The following AUTS2 variants were observed in gnomAD, a reference collection of about 807,000 sequenced individuals.
AUTS2 encodes the protein autism susceptibility gene 2 protein.
In AUTS2, 17 loss-of-function variants were observed where a neutral mutation model predicts 112.4. The ratio of observed to expected loss-of-function variants is 0.15; its 90% confidence interval spans 0.10 to 0.23. The LOEUF (loss-of-function observed/expected upper bound fraction) is 0.23, where lower values mean the gene tolerates loss of function less well. AUTS2 is among the 10% of genes least tolerant of loss of function. The pLI is 1.00. For synonymous variants in AUTS2, 751 were observed against 702.7 expected, an observed-to-expected ratio of 1.07 and a Z score of -1.09; for missense variants, 1,510 against 1,701.6, an observed-to-expected ratio of 0.89 and a Z score of 1.98.
intron 1 of AUTS2, among the ~76,000 whole-genome samples, chr7:69,711,521 G>T (rs189620675): frequency 6.6e-6 from 1 of 152,200 alleles, no homozygotes; most frequent in East Asian, 1.9e-4. Flanking sequence ...TGGTTCTCTG[G>T]ACATTTCTAT....
intron 4 of AUTS2, among the ~76,000 whole-genome samples, chr7:70,368,172 T>C (rs1465505099): frequency 6.6e-6 from 1 of 152,238 alleles, no homozygotes; most frequent in Non-Finnish European, 1.5e-5. Flanking sequence ...AAGTTCCTTA[T>C]GTATAAAATG....
chr7:70,481,725 G>A (rs1797794977), intron 5 of AUTS2, among the ~76,000 whole-genome samples: 1 of 152,180 alleles, frequency 6.6e-6, no homozygotes, highest in East Asian at 1.9e-4. Flanking sequence ...AATCTAATAG[G>A]ATTAAGTGTT....
chr7:70,286,885 A>G (rs899442648), intron 4 of AUTS2, among the ~76,000 whole-genome samples: 1 of 152,182 alleles, frequency 6.6e-6, no homozygotes, highest in African/African-American at 2.4e-5. Flanking sequence ...CACATGAGCT[A>G]CCCATTTTCT....
intron 1 of AUTS2, among the ~76,000 whole-genome samples, chr7:69,833,816 A>G (rs960546682): frequency 2.0e-5 from 3 of 152,198 alleles, no homozygotes; most frequent in Non-Finnish European, 2.9e-5. Flanking sequence ...TCATATTCCG[A>G]TAAGTGTATT....
chr7:70,077,109 T>C (rs1803071579), intron 2 of AUTS2, among the ~76,000 whole-genome samples: 1 of 152,186 alleles, frequency 6.6e-6, no homozygotes, highest in Non-Finnish European at 1.5e-5. Context: ...ATTCAATATG[T>C]AAATAGGAAC....
intron 5 of AUTS2, among the ~76,000 whole-genome samples, chr7:70,620,467 A>G (rs11762238): frequency 0.49 from 74,470 of 151,810 alleles, 18,972 homozygotes; most frequent in African/African-American, 0.56. Context: ...CAGTCACACC[A>G]CGCTCATCAC....
chr7:69,902,546 T>C (rs1428952204), intron 2 of AUTS2, among the ~76,000 whole-genome samples: 1 of 152,220 alleles, frequency 6.6e-6, no homozygotes, highest in Non-Finnish European at 1.5e-5. Context: ...TTGCATCTTA[T>C]TAGGAAATGG....
At chr7:69,977,573 C>T (rs1195204247) in intron 2 of AUTS2, among the ~76,000 whole-genome samples, 1 of 152,188 alleles carries the variant, frequency 6.6e-6, no homozygotes, top group East Asian at 1.9e-4. Flanking sequence ...AGCCCATGGT[C>T]AACCACAAAC....
intron 2 of AUTS2, among the ~76,000 whole-genome samples, chr7:69,962,498 T>G (rs1217692029): frequency 1.3e-5 from 2 of 152,206 alleles, no homozygotes; most frequent in Admixed American, 1.3e-4. Context: ...TAGCAGATTG[T>G]AAGATAGAAA....
chr7:69,960,237 G>A (rs1378360069), intron 2 of AUTS2, among the ~76,000 whole-genome samples: 2 of 152,076 alleles, frequency 1.3e-5, no homozygotes, highest in African/African-American at 2.4e-5. Context: ...TAATTGCTGC[G>A]CTCTAAGTAG....
chr7:69,633,269 G>A (rs186775691), intron 1 of AUTS2, among the ~76,000 whole-genome samples: 1 of 152,072 alleles, frequency 6.6e-6, no homozygotes, highest in African/African-American at 2.4e-5. Flanking sequence ...TGGTAAGATT[G>A]AGTTTTTTTA....
chr7:70,708,864 C>G (rs917394465), intron 6 of AUTS2, among the ~76,000 whole-genome samples: 2 of 151,504 alleles, frequency 1.3e-5, no homozygotes, highest in African/African-American at 4.8e-5. Flanking sequence ...CATCACCTAT[C>G]AATACAGTCC....
intron 4 of AUTS2, among the ~76,000 whole-genome samples, chr7:70,332,299 A>G (rs1790789961): frequency 6.6e-6 from 1 of 152,204 alleles, no homozygotes; most frequent in South Asian, 2.1e-4. Context: ...ACCACTGTTC[A>G]TAGAAATAAG....
At chr7:70,245,142 G>GTA (rs1225794976) in intron 4 of AUTS2, among the ~76,000 whole-genome samples, 1 of 72,254 alleles carries the variant, frequency 1.4e-5, no homozygotes, top group African/African-American at 5.5e-5. Flanking sequence ...AAGTGTGTGT[G>GTA]TGTATATATA....
chr7:69,634,412 G>A (rs951863864), intron 1 of AUTS2, among the ~76,000 whole-genome samples: 11 of 152,144 alleles, frequency 7.2e-5, no homozygotes, highest in Non-Finnish European at 1.2e-4. Flanking sequence ...GAGCCACCGC[G>A]CCCGGCCCAG....
intron 2 of AUTS2, among the ~76,000 whole-genome samples, chr7:70,073,331 T>C (rs1479975333): frequency 2.0e-5 from 3 of 151,536 alleles, no homozygotes; most frequent in East Asian, 1.9e-4. Flanking sequence ...ACCAACATGG[T>C]GAAACCCCGT....
intron 1 of AUTS2, among the ~76,000 whole-genome samples, chr7:69,744,268 A>G (rs1278129791): frequency 6.6e-6 from 1 of 152,128 alleles, no homozygotes; most frequent in African/African-American, 2.4e-5. Context: ...TGCTATGAAC[A>G]TTTATGTACA....
chr7:69,793,232 G>C (rs1789697231), intron 1 of AUTS2, among the ~76,000 whole-genome samples: 1 of 152,088 alleles, frequency 6.6e-6, no homozygotes, highest in Non-Finnish European at 1.5e-5. Context: ...GACCTATGGT[G>C]CTCTCTGTTT....
At chr7:70,414,064 G>C (rs1365578902) in intron 4 of AUTS2, among the ~76,000 whole-genome samples, 1 of 152,184 alleles carries the variant, frequency 6.6e-6, no homozygotes, top group East Asian at 1.9e-4. Flanking sequence ...TGAATGCTAA[G>C]GAGCTGCGTA....
Sources: allele counts gnomAD v4.1 joint callset (sites outside exome capture counted in the v4.1 genomes callset), GRCh38; gene constraint gnomAD v4.1.1; transcripts MANE v1.5; gene names NCBI Gene and HGNC (gene_info 2026-07-23, HGNC 2026-07-21).